The following ARHGEF28 variants were observed in gnomAD, a reference collection of about 807,000 sequenced individuals.
ARHGEF28 encodes Rho guanine nucleotide exchange factor 28, also known as 190 kDa guanine nucleotide exchange factor.
A neutral mutation model predicts 206.6 loss-of-function variants in ARHGEF28; 152 were observed. The observed-to-expected ratio is 0.74, with a 90% CI of 0.64 to 0.84. ARHGEF28 has a LOEUF of 0.84. ARHGEF28 is among the 40% of genes least tolerant of loss of function. ARHGEF28 has a pLI of 0.00. For missense variants in ARHGEF28, 2,028 were observed against 2,073.2 expected (o/e 0.98, Z 0.42); for synonymous variants, 763 against 776.4 (o/e 0.98, Z 0.29).
chr5:73,868,758 TGC>T (rs1257559936), intron 20 of ARHGEF28, among the ~76,000 whole-genome samples: 1 of 152,138 alleles, frequency 6.6e-6, no homozygotes, highest in Admixed American at 6.5e-5. Flanking sequence ...GCGATTCTCC[TGC>T]CACAGCCTCC....
At chr5:73,930,947 C>T (rs888734876) in intron 35 of ARHGEF28, among the ~76,000 whole-genome samples, 1 of 152,186 alleles carries the variant, frequency 6.6e-6, no homozygotes, top group African/African-American at 2.4e-5. Flanking sequence ...GTTGAAACCT[C>T]TGTGCCCTCA....
chr5:73,815,696 T>C (rs777257215), intron 9 of ARHGEF28, among the ~76,000 whole-genome samples: 3 of 152,228 alleles, frequency 2.0e-5, no homozygotes, highest in Admixed American at 6.5e-5. Flanking sequence ...TGAGAATCCA[T>C]TGGAGTTGTA....
intron 2 of ARHGEF28, among the ~76,000 whole-genome samples, chr5:73,738,398 C>T (rs185880460): frequency 1.6e-4 from 24 of 152,136 alleles, no homozygotes; most frequent in African/African-American, 5.8e-4. Flanking sequence ...TTCTGAATCT[C>T]TACTTTTCTT....
At chr5:73,752,812 T>C (rs1752085894) in intron 3 of ARHGEF28, 97 bp from the exon 4 acceptor site, 2 of 1,383,254 alleles carry the variant, frequency 1.4e-6, no homozygotes, top group Non-Finnish European at 2.0e-6. Flanking sequence ...TGGAGCGTGT[T>C]GTCTGCTTAA....
intron 15 of ARHGEF28, 141 bp downstream of exon 15, chr5:73,857,920 C>T: frequency 7.3e-7 from 1 of 1,375,824 alleles, no homozygotes; most frequent in South Asian, 1.5e-5. Context: ...TTGCTAAAGC[C>T]CAGAATATAA....
chr5:73,780,634 T>C lies in ARHGEF28; in HGVS notation c.841-42T>C, dbSNP rs537324046. On this transcript the variant is annotated intron_variant, in intron 6 of 35. Transcript: ENST00000513042. ...TTGTATATCTGGAACCTCAAATGGT[T>C]TTCTGTGCTTTTTTGTTTTTTTTTT... 2.1e-5 allele frequency: 32 copies of C among 1,522,186 alleles called. 2 individuals are homozygous for C. The South Asian group carries it at 3.8e-4, about 18-fold the overall frequency. The allele number at this position is 1,522,186 out of a possible 1,614,324, so 94.3% of individuals were successfully genotyped here. A position where few individuals can be genotyped will look rare whatever the true frequency, so the allele number is the denominator to read the frequency against.
chr5:73,659,296 C>T (rs569658289), intron 1 of ARHGEF28, among the ~76,000 whole-genome samples: 3 of 152,154 alleles, frequency 2.0e-5, no homozygotes, highest in Non-Finnish European at 2.9e-5. Context: ...TTTGGGAGGC[C>T]GAGGCAGACA....
chr5:73,721,423 A>G (rs73762175), intron 2 of ARHGEF28, among the ~76,000 whole-genome samples: 3,232 of 152,308 alleles, frequency 0.021, 111 homozygotes, highest in African/African-American at 0.073. Flanking sequence ...TTGAATGTGC[A>G]AATAGGGAAA....
At position 73,873,262 on chromosome 5, in the gene ARHGEF28, A is replaced by C. The variant is rs1001468391; in HGVS notation, c.2814+16A>C. ...GGTACAACAGGTAAGAAGAGCTTAA[A>C]GTCCTTGACCTTTATGACGTAAGTG... On this transcript the variant is annotated intron_variant, in intron 22 of 35. Coordinates refer to ENST00000513042, the MANE Select transcript of ARHGEF28 (RefSeq NM_001177693.2). 6.2e-6 allele frequency: 10 copies of C among 1,601,948 alleles called. No homozygotes were observed. The African/African-American group carries it at 1.2e-4, about 19-fold the overall frequency.
chr5:73,913,969 A>G lies in ARHGEF28; in HGVS notation c.4948+2394A>G, dbSNP rs142381416. Among the ~76,000 whole-genome samples, 153 of 152,296 alleles carry G rather than the reference A, an allele frequency of 1.0e-3. 1 individual carries two copies. The highest frequency in any genetic ancestry group is 3.6e-3 in the African/African-American group (150 of 41,546). On this transcript the variant is annotated intron_variant, in intron 35 of 35. Transcript: ENST00000513042. Reference sequence around the variant, plus strand: ...AGATGATCAGCTCAGATCAGTGAAAATGTGAATTTCTGGAACAGTAAGGCT... The same window carrying G: ...AGATGATCAGCTCAGATCAGTGAAAGTGTGAATTTCTGGAACAGTAAGGCT...
At chr5:73,676,239 G>GTT (rs879828934) in intron 1 of ARHGEF28, among the ~76,000 whole-genome samples, 6 of 82,452 alleles carry the variant, frequency 7.3e-5, no homozygotes, top group Admixed American at 1.1e-4. Flanking sequence ...CCCAGCTAAT[G>GTT]TTTTTTTTTT....
chr5:73,720,146 G>C (rs1227590351), intron 2 of ARHGEF28, among the ~76,000 whole-genome samples: 1 of 152,188 alleles, frequency 6.6e-6, no homozygotes, highest in Non-Finnish European at 1.5e-5. Flanking sequence ...AGGAGTATTA[G>C]TTATAAATAT....
chr5:73,793,658 G>A (rs977518979), intron 7 of ARHGEF28, among the ~76,000 whole-genome samples: 2 of 151,988 alleles, frequency 1.3e-5, no homozygotes, highest in African/African-American at 4.8e-5. Context: ...TAGGGATATC[G>A]AGTGCTTTAA....
chr5:73,886,188 T>G, intron 25 of ARHGEF28, 84 bp downstream of exon 25: 1 of 1,492,610 alleles, frequency 6.7e-7, no homozygotes, highest in Admixed American at 2.3e-5. Flanking sequence ...GAAAAACAGT[T>G]CAGAATTGCA....
intron 29 of ARHGEF28, among the ~76,000 whole-genome samples, chr5:73,894,792 G>A (rs1222910646): frequency 6.6e-6 from 1 of 152,216 alleles, no homozygotes; most frequent in East Asian, 1.9e-4. Flanking sequence ...AGCAGGATAA[G>A]GGAGAGAGAG....
intron 1 of ARHGEF28, among the ~76,000 whole-genome samples, chr5:73,633,870 C>T (rs1296525626): frequency 3.3e-5 from 5 of 152,124 alleles, no homozygotes; most frequent in East Asian, 1.9e-4. Flanking sequence ...AGCCACCATG[C>T]CTGGCCTAAA....
At chr5:73,882,073 G>T (rs1373574880) in intron 22 of ARHGEF28, among the ~76,000 whole-genome samples, 1 of 110,152 alleles carries the variant, frequency 9.1e-6, no homozygotes, top group Admixed American at 9.5e-5. Flanking sequence ...AATGTCAAAT[G>T]AGTGATTTTT....
chr5:73,937,730 GCTTT>G (rs1283271755), intron 35 of ARHGEF28, among the ~76,000 whole-genome samples: 2 of 152,120 alleles, frequency 1.3e-5, no homozygotes, highest in Non-Finnish European at 2.9e-5. Flanking sequence ...CAAGAATTCT[GCTTT>G]CTGAGTCAGT....
At chr5:73,741,339 ATATG>A (rs1426964733) in intron 2 of ARHGEF28, among the ~76,000 whole-genome samples, 7 of 80,484 alleles carry the variant, frequency 8.7e-5, no homozygotes, top group African/African-American at 2.3e-4. Flanking sequence ...TTTTAAATTT[ATATG>A]TGTGTGTGTG....
Sources: allele counts gnomAD v4.1 joint callset (sites outside exome capture counted in the v4.1 genomes callset), GRCh38; gene constraint gnomAD v4.1.1; transcripts MANE v1.5; gene names NCBI Gene and HGNC (gene_info 2026-07-23, HGNC 2026-07-21).